The following POLR3A variants were observed in gnomAD, a reference collection of about 807,000 sequenced individuals.
The protein encoded by POLR3A is RNA polymerase III subunit A.
A neutral mutation model predicts 152.8 loss-of-function variants in POLR3A; 112 were observed. The observed-to-expected ratio is 0.73, with a 90% CI of 0.63 to 0.86. POLR3A has a LOEUF of 0.86. POLR3A is among the 40% of genes least tolerant of loss of function. POLR3A has a pLI of 0.00. For synonymous variants in POLR3A, 615 were observed against 652.1 expected (o/e 0.94, Z 0.87); for missense variants, 1,385 against 1,743.1 (o/e 0.79, Z 3.66).
chr10:78,023,141 A>C (rs1332932258), intron 5 of POLR3A, among the ~76,000 whole-genome samples: 1 of 149,870 alleles, frequency 6.7e-6, no homozygotes, highest in Non-Finnish European at 1.5e-5. Context: ...CTAAGCAGTA[A>C]GAGTGAAATT....
chr10:78,001,334 G>C (rs1307490507), intron 17 of POLR3A, among the ~76,000 whole-genome samples: 7 of 152,178 alleles, frequency 4.6e-5, no homozygotes, highest in Admixed American at 2.6e-4. Context: ...CTGGGGAAGT[G>C]ACAGGTGAGT....
chr10:77,981,674 A>T, intron 28 of POLR3A, 115 bp from the exon 29 acceptor site: 1 of 1,310,466 alleles, frequency 7.6e-7, no homozygotes, highest in South Asian at 1.2e-5. Context: ...GTTTTCCAGA[A>T]ATGGATTGCT....
At chr10:78,020,660 C>T (rs759903666) in intron 8 of POLR3A, among the ~76,000 whole-genome samples, 51 of 151,824 alleles carry the variant, frequency 3.4e-4, no homozygotes, top group Non-Finnish European at 6.5e-4. Context: ...TGGTGATGGG[C>T]GCCTGTAGTC....
At chr10:78,008,846 T>C (rs983942695) in intron 14 of POLR3A, among the ~76,000 whole-genome samples, 1 of 148,774 alleles carries the variant, frequency 6.7e-6, no homozygotes, top group African/African-American at 2.5e-5. Flanking sequence ...CCTGTTTGTC[T>C]TTGAAAAAAA....
rs1847092365 is a variant in POLR3A, at chr10:77,976,673, G to C, written c.*805C>G. ...AAACCATCTCATCCCCATTGCAGCA[G>C]GCCCCAAACTCCAGTGAGGCTTCCA... On this transcript the variant is annotated 3_prime_UTR_variant, in exon 31 of 31. Coordinates refer to ENST00000372371, the MANE Select transcript of POLR3A (RefSeq NM_007055.4). The C allele has an allele frequency of 6.6e-6, 1 of 152,240 alleles. No homozygotes were observed. Among genetic ancestry groups the C allele is most frequent in the Admixed American group, 6.5e-5 (1 of 15,278 alleles). 9.4% of individuals were successfully genotyped at this position (152,240 alleles called of 1,614,324 possible).
At chr10:78,003,072 T>C (rs1847372818) in intron 16 of POLR3A, among the ~76,000 whole-genome samples, 1 of 152,244 alleles carries the variant, frequency 6.6e-6, no homozygotes, top group South Asian at 2.1e-4. Flanking sequence ...GCTAGGCATG[T>C]GATGAGGTGA....
intron 30 of POLR3A, among the ~76,000 whole-genome samples, chr10:77,979,378 GC>G (rs1457507135): frequency 6.6e-6 from 1 of 152,172 alleles, no homozygotes; most frequent in Admixed American, 6.5e-5. Flanking sequence ...TCGAACCCCA[GC>G]CCCTTACCAG....
In POLR3A at chr10:77,977,156, T is replaced by C. The variant is rs1847096976; in HGVS notation, c.*322A>G. 3 of 381,868 alleles carry C rather than the reference T, an allele frequency of 7.9e-6. No individual in the cohort carries two copies. The highest frequency in any genetic ancestry group is 6.7e-5 in the South Asian group (3 of 44,728). 23.7% of individuals were successfully genotyped at this position (381,868 alleles called of 1,614,324 possible). A position where few individuals can be genotyped will look rare whatever the true frequency, so the allele number is the denominator to read the frequency against. On this transcript the variant is annotated 3_prime_UTR_variant, in exon 31 of 31. Coordinates refer to ENST00000372371, the MANE Select transcript of POLR3A (RefSeq NM_007055.4). ...GATGGATGTATGCAGTGAGCTGGGA[T>C]GGACCATGACACCTGGCTGGGCTTT...
In POLR3A at chr10:78,017,584, C is replaced by G; in HGVS notation, c.1422G>C (p.Met474Ile). 6.2e-7 allele frequency: 1 copy of G among 1,614,140 alleles called. No homozygotes were observed. Among genetic ancestry groups the G allele is most frequent in the East Asian group, 2.2e-5 (1 of 44,890 alleles). Residue 474 changes from methionine (M) to isoleucine (I), a missense_variant, in exon 10 of 31, where the codon ATG becomes ATC. Met to Ile is a conservative substitution (Grantham distance 10). Around this residue, in one of 7 missense-constraint regions of POLR3A, gnomAD observed 493 missense variants for 647.5 expected, o/e 0.76. Coordinates refer to ENST00000372371, the MANE Select transcript of POLR3A (RefSeq NM_007055.4). ...AAGCAGTGCTACTCACCAGATGAGCCATAATGCTCAATTTGTGCAGCGAGG... is the reference window on the plus strand; with the variant it reads ...AAGCAGTGCTACTCACCAGATGAGCGATAATGCTCAATTTGTGCAGCGAGG... Reference protein sequence around the residue: ...RQPSLHKLSIMAHLARVKPHR... With the variant: ...RQPSLHKLSIIAHLARVKPHR...
At chr10:77,986,384 T>C (rs1847198823) in intron 21 of POLR3A, among the ~76,000 whole-genome samples, 1 of 152,220 alleles carries the variant, frequency 6.6e-6, no homozygotes, top group Non-Finnish European at 1.5e-5. Flanking sequence ...TTGGTTAATG[T>C]GTCTCTAAGA....
chr10:78,027,867 G>C (rs1182417615), intron 1 of POLR3A, among the ~76,000 whole-genome samples: 2 of 152,148 alleles, frequency 1.3e-5, no homozygotes, highest in African/African-American at 4.8e-5. Flanking sequence ...TCTGCTAGAG[G>C]ATTTTAATTG....
At chr10:77,986,284 T>C (rs1265209581) in intron 21 of POLR3A, 125 bp from the exon 22 acceptor site, 4 of 730,666 alleles carry the variant, frequency 5.5e-6, no homozygotes, top group African/African-American at 5.2e-5. Context: ...CCATATATAG[T>C]ATAAAGGACC....
At chr10:77,998,374 G>A (rs1181522430) in intron 19 of POLR3A, among the ~76,000 whole-genome samples, 1 of 152,060 alleles carries the variant, frequency 6.6e-6, no homozygotes, top group African/African-American at 2.4e-5. Context: ...GCAACCTACA[G>A]AATGGGAGAA....
At chr10:78,019,316 A>G (rs1847555398) in intron 8 of POLR3A, 51 bp from the exon 9 acceptor site, 1 of 1,139,398 alleles carries the variant, frequency 8.8e-7, no homozygotes, top group African/African-American at 1.5e-5. Flanking sequence ...CTAGAAACTA[A>G]CAAATGATAC....
chr10:77,982,062 AAAAAG>A, intron 28 of POLR3A, 87 bp downstream of exon 28: 2 of 792,818 alleles, frequency 2.5e-6, no homozygotes, highest in Non-Finnish European at 1.9e-6. Flanking sequence ...AAAAAAAAAA[AAAAAG>A]AAGTATACTG....
chr10:78,001,952 A>AT (rs976492804), intron 17 of POLR3A, among the ~76,000 whole-genome samples: 16 of 151,298 alleles, frequency 1.1e-4, no homozygotes, highest in African/African-American at 2.4e-4. Flanking sequence ...ATCTGGCCTC[A>AT]TTTTTTTTTA....
At chr10:78,002,455 G>A in intron 16 of POLR3A, 147 bp from the exon 17 acceptor site, 1 of 699,786 alleles carries the variant, frequency 1.4e-6, no homozygotes, top group Admixed American at 2.1e-5. Context: ...CCTTAGAGGA[G>A]CAAAATGCCC....
At chr10:77,997,766 G>A (rs1449832095) in intron 19 of POLR3A, among the ~76,000 whole-genome samples, 2 of 149,542 alleles carry the variant, frequency 1.3e-5, no homozygotes, top group Admixed American at 6.6e-5. Flanking sequence ...TCCCCATCAA[G>A]CTACCAATGT....
At chr10:77,989,667 G>A (rs12257596) in intron 21 of POLR3A, among the ~76,000 whole-genome samples, 1,579 of 152,276 alleles carry the variant, frequency 0.01, 31 homozygotes, top group African/African-American at 0.035. Flanking sequence ...TCTCTCTGGC[G>A]CTGGCAAATG....
Sources: allele counts gnomAD v4.1 joint callset (sites outside exome capture counted in the v4.1 genomes callset), GRCh38; gene constraint gnomAD v4.1.1; regional missense constraint gnomAD v4.1.1; transcripts MANE v1.5; gene names NCBI Gene and HGNC (gene_info 2026-07-23, HGNC 2026-07-21).